The following CCSER1 variants were observed in gnomAD, a reference collection of about 807,000 sequenced individuals.
CCSER1 encodes the protein coiled-coil serine rich protein 1, also known as serine-rich coiled-coil domain-containing protein 1.
In CCSER1, 41 loss-of-function variants were observed where a neutral mutation model predicts 82.0. The ratio of observed to expected loss-of-function variants is 0.50; its 90% CI spans 0.39 to 0.65. The LOEUF is 0.65. CCSER1 is among the 30% of genes least tolerant of loss of function. The probability of loss-of-function intolerance (pLI) is 0.00; values close to 1 mark genes in which losing one functional copy is unlikely to be tolerated. For missense variants in CCSER1, 1,119 were observed against 1,064.2 expected (o/e 1.05, Z -0.72); for synonymous variants, 414 against 383.9 (o/e 1.08, Z -0.92).
intron 10 of CCSER1, among the ~76,000 whole-genome samples, chr4:91,557,514 A>C (rs1165780956): frequency 2.0e-5 from 3 of 151,638 alleles, no homozygotes; most frequent in African/African-American, 7.2e-5. Context: ...TAAATAAACA[A>C]TATTTATTAA....
intron 8 of CCSER1, among the ~76,000 whole-genome samples, chr4:90,881,928 A>G (rs1721393867): frequency 6.6e-6 from 1 of 150,872 alleles, no homozygotes; most frequent in South Asian, 2.1e-4. Flanking sequence ...AATATGTTTT[A>G]TGATGATACC....
intron 6 of CCSER1, among the ~76,000 whole-genome samples, chr4:90,700,895 A>G (rs1256998843): frequency 1.3e-5 from 2 of 152,138 alleles, no homozygotes; most frequent in African/African-American, 2.4e-5. Flanking sequence ...CCTTTGTCAG[A>G]TGAGTAGACT....
At chr4:90,137,349 A>G (rs1723878674) in intron 1 of CCSER1, among the ~76,000 whole-genome samples, 1 of 152,216 alleles carries the variant, frequency 6.6e-6, no homozygotes, top group Non-Finnish European at 1.5e-5. Flanking sequence ...TAGCTTCATT[A>G]TCAACAACAA....
intron 10 of CCSER1, among the ~76,000 whole-genome samples, chr4:91,171,034 T>C (rs933935561): frequency 3.7e-4 from 56 of 152,350 alleles, no homozygotes; most frequent in African/African-American, 1.3e-3. Flanking sequence ...GCACATGTTG[T>C]AGTCTTTGCA....
chr4:90,428,015 A>G (rs1241893728), intron 4 of CCSER1, among the ~76,000 whole-genome samples: 1 of 151,934 alleles, frequency 6.6e-6, no homozygotes, highest in African/African-American at 2.4e-5. Context: ...TAATATGCCC[A>G]TAGGTTCTGA....
Position 91,592,417 on chromosome 4 carries a change from G to A in CCSER1, c.2218-6155G>A, listed in dbSNP as rs370567039. On this transcript the variant is annotated intron_variant, in intron 10 of 10. Coordinates refer to ENST00000509176, the MANE Select transcript of CCSER1 (RefSeq NM_001145065.2). ...GGACACAGACAAACCATATCACCTG[G>A]GTACTGTAATGGGCAGAGGTAAATG... is the stretch of plus-strand genomic sequence containing the variant. 2.6e-5 allele frequency among the ~76,000 whole-genome samples: 4 copies of A among 152,070 alleles called. No individual in the cohort carries two copies. The East Asian group carries it at 7.8e-4, about 30-fold the overall frequency.
intron 5 of CCSER1, among the ~76,000 whole-genome samples, chr4:90,623,163 G>A (rs1198468874): frequency 6.6e-6 from 1 of 151,734 alleles, no homozygotes; most frequent in East Asian, 1.9e-4. Context: ...GAGTAGCTGG[G>A]ACTACAGGCA....
chr4:90,820,942 A>G (rs1486756749), intron 8 of CCSER1, among the ~76,000 whole-genome samples: 1 of 152,094 alleles, frequency 6.6e-6, no homozygotes, highest in South Asian at 2.1e-4. Flanking sequence ...AATAACAAAT[A>G]TATTACTTGT....
intron 10 of CCSER1, among the ~76,000 whole-genome samples, chr4:91,162,299 T>A (rs1041841937): frequency 3.3e-5 from 5 of 152,250 alleles, no homozygotes; most frequent in African/African-American, 7.2e-5. Context: ...TAGTGGTGGA[T>A]AAGCTTTTAG....
At chr4:90,754,570 A>G (rs1013161594) in intron 7 of CCSER1, among the ~76,000 whole-genome samples, 1 of 152,100 alleles carries the variant, frequency 6.6e-6, no homozygotes, top group Non-Finnish European at 1.5e-5. Context: ...TCAAGATACA[A>G]CCTGGTTCAG....
chr4:91,271,278 TC>T (rs1429552908), intron 10 of CCSER1, among the ~76,000 whole-genome samples: 2 of 152,094 alleles, frequency 1.3e-5, no homozygotes, highest in Non-Finnish European at 2.9e-5. Flanking sequence ...ACTTTTTTTT[TC>T]CCCATAGGTT....
chr4:90,207,662 C>T (rs538852759), intron 1 of CCSER1, among the ~76,000 whole-genome samples: 1 of 152,054 alleles, frequency 6.6e-6, no homozygotes, highest in African/African-American at 2.4e-5. Flanking sequence ...ATGTTGGTGA[C>T]CTTCTGCTGG....
At chr4:90,940,316 T>C (rs10006424) in intron 9 of CCSER1, among the ~76,000 whole-genome samples, 122,407 of 151,572 alleles carry the variant, frequency 0.81, 49,634 homozygotes, top group East Asian at 0.88. Flanking sequence ...TCCTTCCTTA[T>C]CCCTCCCTTC....
intron 3 of CCSER1, among the ~76,000 whole-genome samples, chr4:90,391,249 G>A (rs1452238192): frequency 1.4e-5 from 2 of 141,776 alleles, no homozygotes; most frequent in Non-Finnish European, 3.0e-5. Flanking sequence ...CTCCAGCCTG[G>A]GCGACAGAGC....
chr4:90,331,374 C>T (rs146208255), intron 3 of CCSER1, among the ~76,000 whole-genome samples: 10 of 152,030 alleles, frequency 6.6e-5, no homozygotes, highest in South Asian at 2.1e-4. Flanking sequence ...ACTATGTGCC[C>T]GTTATGCATT....
At chr4:90,744,490 T>C (rs1747080298) in intron 7 of CCSER1, among the ~76,000 whole-genome samples, 1 of 152,234 alleles carries the variant, frequency 6.6e-6, no homozygotes, top group Non-Finnish European at 1.5e-5. Flanking sequence ...TGAATACTTC[T>C]TATATAATAC....
At chr4:90,201,109 G>A (rs905631160) in intron 1 of CCSER1, among the ~76,000 whole-genome samples, 1 of 152,140 alleles carries the variant, frequency 6.6e-6, no homozygotes, top group Admixed American at 6.5e-5. Flanking sequence ...TAGAGTGCAT[G>A]CTTCACATGC....
At chr4:90,737,243 C>T (rs1745808442) in intron 7 of CCSER1, among the ~76,000 whole-genome samples, 1 of 152,132 alleles carries the variant, frequency 6.6e-6, no homozygotes. Flanking sequence ...TGCTCATTAA[C>T]ATCCTTTTCT....
intron 1 of CCSER1, among the ~76,000 whole-genome samples, chr4:90,182,558 C>A (rs1232867202): frequency 2.6e-5 from 4 of 152,058 alleles, no homozygotes. Flanking sequence ...TGGTAACAGC[C>A]ACAGTGTCTG....
Sources: gnomAD v4.1 joint callset for allele counts (sites outside exome capture counted in the v4.1 genomes callset) on GRCh38, gnomAD v4.1.1 for gene constraint, MANE v1.5 for transcripts, NCBI Gene and HGNC (gene_info 2026-07-23, HGNC 2026-07-21) for gene names.